ANKRD13C: variants seen among roughly 807,000 people sequenced by gnomAD.
ANKRD13C encodes the protein ankyrin repeat domain-containing protein 13C.
In ANKRD13C, 16 loss-of-function variants were observed where a neutral mutation model predicts 65.5. That is an observed-to-expected ratio of 0.24 (90% CI 0.17 to 0.37). The LOEUF (loss-of-function observed/expected upper bound fraction) is 0.37. Among genes scored for constraint, ANKRD13C ranks in the 10% least tolerant of loss-of-function variants. The pLI, the probability that ANKRD13C is intolerant of heterozygous loss-of-function variation, is 1.00. For synonymous variants in ANKRD13C, 235 were observed against 238.7 expected, an observed-to-expected ratio of 0.98 and a Z score of 0.14; for missense variants, 503 against 655.9, an observed-to-expected ratio of 0.77 and a Z score of 2.55.
At chr1:70,263,989 A>G (rs2101089854) in intron 12 of ANKRD13C, among the ~76,000 whole-genome samples, 1 of 152,322 alleles carries the variant, frequency 6.6e-6, no homozygotes, top group South Asian at 2.1e-4. Context: ...TAATCAACAT[A>G]ACAATTATAG....
In ANKRD13C at chr1:70,262,697, G is replaced by A. The variant is rs373023045; in HGVS notation, c.*20C>T. On this transcript the variant is annotated 3_prime_UTR_variant, in exon 13 of 13. Transcript: ENST00000370944. ...CTGTATTTTCTTTCCTTGGTTAGACGGCATCCTTTTCCACGTCAGTTAAAG... is the reference window on the plus strand; with the variant it reads ...CTGTATTTTCTTTCCTTGGTTAGACAGCATCCTTTTCCACGTCAGTTAAAG... 79 of 1,605,964 alleles carry A rather than the reference G, an allele frequency of 4.9e-5. No homozygotes were observed. The highest frequency in any genetic ancestry group is 1.7e-4 in the Middle Eastern group (1 of 6,038).
rs534963166 is a variant in ANKRD13C, at chr1:70,341,148, C to T, written c.431-5049G>A. ...TGGGATATTAACACCATTATACCAACTTTTTTGAATTGGTATTTGCATGGA... is the reference window on the plus strand; with the variant it reads ...TGGGATATTAACACCATTATACCAATTTTTTTGAATTGGTATTTGCATGGA... On this transcript the variant is annotated intron_variant, in intron 1 of 12. Transcript: ENST00000370944. Among the ~76,000 whole-genome samples the T allele has an allele frequency of 6.8e-4, 104 of 152,228 alleles. 3 individuals carry two copies. In the South Asian group the frequency reaches 0.02, roughly 29 times the overall value.
intron 2 of ANKRD13C, among the ~76,000 whole-genome samples, chr1:70,331,080 T>G (rs930306406): frequency 6.6e-6 from 1 of 152,186 alleles, no homozygotes; most frequent in Non-Finnish European, 1.5e-5. Context: ...GTATAAAAGA[T>G]TCTCTTTACC....
At chr1:70,284,047 T>C (rs1386236477) in intron 9 of ANKRD13C, among the ~76,000 whole-genome samples, 1 of 151,860 alleles carries the variant, frequency 6.6e-6, no homozygotes, top group African/African-American at 2.4e-5. Flanking sequence ...GTCAAAAATA[T>C]ATACTAAATA....
intron 9 of ANKRD13C, among the ~76,000 whole-genome samples, chr1:70,287,635 G>C (rs270491): frequency 6.6e-6 from 1 of 151,966 alleles, no homozygotes; most frequent in Non-Finnish European, 1.5e-5. Flanking sequence ...ACTTTGAGAA[G>C]ATGAAAAGAC....
rs567640980 is a variant in ANKRD13C at position 70,318,854 on chromosome 1, T to C, written c.578-3288A>G. On this transcript the variant is annotated intron_variant, in intron 3 of 12. Transcript: ENST00000370944. Reference sequence around the variant, plus strand: ...TGCGCCACCATGCCCAGCTAATTTTTGTATTTTTAGTAGAAACAGGGTTTC... The same window carrying C: ...TGCGCCACCATGCCCAGCTAATTTTCGTATTTTTAGTAGAAACAGGGTTTC... Among the ~76,000 whole-genome samples the C allele has an allele frequency of 5.9e-5, 9 of 152,216 alleles. No homozygotes were observed. The South Asian group carries it at 1.5e-3, about 25-fold the overall frequency.
chr1:70,318,041 C>T (rs1681144054), intron 3 of ANKRD13C, among the ~76,000 whole-genome samples: 1 of 152,102 alleles, frequency 6.6e-6, no homozygotes, highest in Non-Finnish European at 1.5e-5. Context: ...GTATATAGCA[C>T]AGTATAATAA....
chr1:70,315,213 G>A (rs1017626007), intron 4 of ANKRD13C, among the ~76,000 whole-genome samples: 8 of 152,060 alleles, frequency 5.3e-5, no homozygotes, highest in African/African-American at 1.9e-4. Context: ...GAAAATTATT[G>A]CCATTAACTG....
chr1:70,297,849 G>A (rs569265999), intron 7 of ANKRD13C, among the ~76,000 whole-genome samples: 47 of 150,432 alleles, frequency 3.1e-4, no homozygotes, highest in South Asian at 2.3e-3. Context: ...GGAGGTGGAG[G>A]TTGCGGTGAG....
Position 70,354,557 on chromosome 1 carries a change from C to T in ANKRD13C, c.-149G>A, listed in dbSNP as rs1471084609. ...TGAGCCCCCGAGCCTGGGACAAACG[C>T]ATCTCCCGGGGAAGAGCCGGCTCTC... On this transcript the variant is annotated 5_prime_UTR_variant, in exon 1 of 13. The change abolishes an upstream ATG in the 5' untranslated region. Transcript: ENST00000370944. The T allele has an allele frequency of 2.1e-6, 3 of 1,432,032 alleles. No homozygotes were observed. The highest frequency in any genetic ancestry group is 2.9e-5 in the Admixed American group (1 of 34,972). The allele number at this position is 1,432,032 out of a possible 1,614,324, so 88.7% of individuals were successfully genotyped here. A position where few individuals can be genotyped will look rare whatever the true frequency, so the allele number is the denominator to read the frequency against.
chr1:70,287,160 G>A (rs1679659224), intron 9 of ANKRD13C, among the ~76,000 whole-genome samples: 1 of 151,896 alleles, frequency 6.6e-6, no homozygotes, highest in African/African-American at 2.4e-5. Flanking sequence ...TAAAATATAT[G>A]TAAGATTTAT....
In ANKRD13C at chr1:70,354,125, A is replaced by G; in HGVS notation, c.284T>C (p.Leu95Pro). The change falls in exon 1 of 13, where the codon CTG becomes CCG. Residue 95 changes from leucine to proline, a missense_variant. Transcript: ENST00000370944. ...VTANSQSPALLAGTNPVAVVA... is the reference protein window; with the variant it reads ...VTANSQSPALPAGTNPVAVVA... ...GACAGCAACGGGGTTGGTGCCGGCC[A>G]GAAGGGCCGGGGACTGGGAGTTGGC... The G allele has an allele frequency of 6.2e-7, 1 of 1,613,776 alleles. No individual in the cohort carries two copies. The highest frequency in any genetic ancestry group is 8.5e-7 in the Non-Finnish European group (1 of 1,179,758).
chr1:70,283,250 T>C (rs372471433), intron 9 of ANKRD13C, among the ~76,000 whole-genome samples: 9 of 152,330 alleles, frequency 5.9e-5, no homozygotes, highest in African/African-American at 1.9e-4. Flanking sequence ...CATGGCTATC[T>C]AATGAAACAG....
rs1678408686 is a variant in ANKRD13C, at chr1:70,262,054, A to T, written c.*663T>A. 6.6e-6 allele frequency: 1 copy of T among 152,564 alleles called. No homozygotes were observed. Among genetic ancestry groups the T allele is most frequent in the South Asian group, 2.1e-4 (1 of 4,832 alleles). 9.5% of individuals were successfully genotyped at this position (152,564 alleles called of 1,614,324 possible). A position where few individuals can be genotyped will look rare whatever the true frequency, so the allele number is the denominator to read the frequency against. Reference sequence around the variant, plus strand: ...ATGAATTGCACTAAGGTGCTAAAGGAGGTACCTTATTCCCTGCAGAGTGAA... The same window carrying T: ...ATGAATTGCACTAAGGTGCTAAAGGTGGTACCTTATTCCCTGCAGAGTGAA... On this transcript the variant is annotated 3_prime_UTR_variant, in exon 13 of 13. Coordinates refer to ENST00000370944, the MANE Select transcript of ANKRD13C (RefSeq NM_030816.5).
rs774429241 is a variant in ANKRD13C at position 70,354,024 on chromosome 1, A to G, written c.385T>C (p.Ser129Pro). ...ATATTGTGCGTGCGGATGAGAGAGG[A>G]GAGTCTCCTCACATCCCCCTTGAAG... The part of the protein sequence containing the change: ...CVFKGDVRRL[S>P]SLIRTHNIGQ... The change falls in exon 1 of 13, where the codon TCC (serine) becomes CCC (proline). Residue 129 changes from serine (S) to proline (P), a missense_variant. Ser to Pro is a moderately conservative substitution (Grantham distance 74). Around this residue, in one of 2 missense-constraint regions of ANKRD13C, gnomAD observed 203 missense variants for 177.6 expected, o/e 1.14. Coordinates refer to ENST00000370944, the MANE Select transcript of ANKRD13C (RefSeq NM_030816.5). 2 of 1,562,628 alleles carry G rather than the reference A, an allele frequency of 1.3e-6. No individual in the cohort carries two copies. The highest frequency in any genetic ancestry group is 3.7e-5 in the Admixed American group (2 of 53,546).
chr1:70,270,035 G>C (rs1318428172), intron 12 of ANKRD13C, among the ~76,000 whole-genome samples: 1 of 152,108 alleles, frequency 6.6e-6, no homozygotes, highest in African/African-American at 2.4e-5. Flanking sequence ...TGATATGTTA[G>C]AAAGAAAACT....
At chr1:70,282,939 A>G (rs749171647) in intron 9 of ANKRD13C, among the ~76,000 whole-genome samples, 17 of 150,440 alleles carry the variant, frequency 1.1e-4, no homozygotes, top group Non-Finnish European at 7.4e-5. Context: ...TCACATCATT[A>G]TATTTTTTCA....
intron 12 of ANKRD13C, 95 bp downstream of exon 12, chr1:70,270,761 G>A: frequency 7.4e-6 from 6 of 811,064 alleles, no homozygotes; most frequent in Non-Finnish European, 1.2e-5. Context: ...GAGGTGTTGG[G>A]GACCCCTGCT....
intron 7 of ANKRD13C, 133 bp from the exon 8 acceptor site, chr1:70,296,394 AGT>A (rs1680083623): frequency 1.2e-6 from 1 of 853,800 alleles, no homozygotes; most frequent in Non-Finnish European, 1.8e-6. Context: ...AATAATGTGA[AGT>A]GTTACTTACT....
Sources: allele counts gnomAD v4.1 joint callset (sites outside exome capture counted in the v4.1 genomes callset), GRCh38; gene constraint gnomAD v4.1.1; regional missense constraint gnomAD v4.1.1; transcripts MANE v1.5; gene names NCBI Gene and HGNC (gene_info 2026-07-23, HGNC 2026-07-21).